Variants in MEIS1 observed in about 807,000 individuals in gnomAD.
The protein encoded by MEIS1 is Meis homeobox 1.
MEIS1 carries 5 observed loss-of-function variants against 50.8 expected under a neutral mutation model. That is an observed-to-expected ratio of 0.10 (90% CI 0.05 to 0.21). The LOEUF (loss-of-function observed/expected upper bound fraction) is 0.21, where lower values mean the gene tolerates loss of function less well. MEIS1 is among the 10% of genes least tolerant of loss of function. The pLI is 1.00. For missense variants in MEIS1, 318 were observed against 517.3 expected (o/e 0.61, Z 3.74); for synonymous variants, 176 against 179.3 (o/e 0.98, Z 0.15).
In MEIS1 at chr2:66,462,033, A is replaced by G. The variant is rs141501016; in HGVS notation, c.631-2076A>G. 4.8e-4 allele frequency: 164 copies of G among 344,440 alleles called. 2 individuals carry two copies. Among genetic ancestry groups the G allele is most frequent in the African/African-American group, 3.4e-3 (155 of 45,608 alleles). The allele number at this position is 344,440 out of a possible 1,614,324, so 21.3% of individuals were successfully genotyped here. On this transcript the variant is annotated intron_variant, in intron 6 of 12. Coordinates refer to ENST00000272369, the MANE Select transcript of MEIS1 (RefSeq NM_002398.3). ...TAATCTACATCCTGCACAGTAGAAA[A>G]GTGGGGGAGGGAGCAGAGCAGAGCT...
At chr2:66,517,910 T>A (rs992498064) in intron 8 of MEIS1, among the ~76,000 whole-genome samples, 6 of 152,194 alleles carry the variant, frequency 3.9e-5, no homozygotes, top group African/African-American at 1.4e-4. Context: ...CTGAAAAGGC[T>A]ACAGCTGGAA....
chr2:66,502,942 T>C (rs2103833732), intron 7 of MEIS1, among the ~76,000 whole-genome samples: 1 of 152,358 alleles, frequency 6.6e-6, no homozygotes, highest in South Asian at 2.1e-4. Flanking sequence ...CTTTGGGACC[T>C]GACAGCATCC....
At chr2:66,531,884 C>A (rs897179552) in intron 8 of MEIS1, among the ~76,000 whole-genome samples, 6 of 151,818 alleles carry the variant, frequency 4.0e-5, no homozygotes, top group African/African-American at 1.5e-4. Flanking sequence ...GTGTGGCTGG[C>A]AAGTTCCATC....
chr2:66,466,957 AAAAG>A (rs796855661), intron 7 of MEIS1, among the ~76,000 whole-genome samples: 21 of 151,052 alleles, frequency 1.4e-4, no homozygotes, highest in African/African-American at 3.7e-4. Context: ...AAAAAAAAAG[AAAAG>A]AAAGAAAGAA....
intron 2 of MEIS1, chr2:66,439,342 C>T: frequency 1.7e-6 from 2 of 1,205,630 alleles, no homozygotes; most frequent in Non-Finnish European, 2.1e-6. Flanking sequence ...GCCCCACGGC[C>T]ATGGACGTCC....
intron 9 of MEIS1, among the ~76,000 whole-genome samples, chr2:66,559,954 AC>A (rs1675170648): frequency 6.6e-6 from 1 of 152,018 alleles, no homozygotes; most frequent in African/African-American, 2.4e-5. Context: ...GCACAACCAG[AC>A]CCAGCTAATT....
At chr2:66,465,354 A>G (rs1050478498) in intron 7 of MEIS1, among the ~76,000 whole-genome samples, 1 of 152,236 alleles carries the variant, frequency 6.6e-6, no homozygotes, top group African/African-American at 2.4e-5. Flanking sequence ...AACGGAGCCC[A>G]GAATAGTAAA....
intron 1 of MEIS1, 34 bp from the exon 2 acceptor site, chr2:66,437,703 C>T (rs1163405256): frequency 6.2e-7 from 1 of 1,607,136 alleles, no homozygotes; most frequent in Non-Finnish European, 8.5e-7. Context: ...CGCCTGGCCT[C>T]CTGAACCTTC....
chr2:66,460,747 T>G (rs1672498704), intron 6 of MEIS1, among the ~76,000 whole-genome samples: 1 of 152,012 alleles, frequency 6.6e-6, no homozygotes, highest in Admixed American at 6.6e-5. Flanking sequence ...TCTTTGTTGT[T>G]GTTGTTGTTG....
chr2:66,566,430 T>C (rs1558566634), intron 9 of MEIS1, among the ~76,000 whole-genome samples: 1 of 152,146 alleles, frequency 6.6e-6, no homozygotes, highest in African/African-American at 2.4e-5. Flanking sequence ...TTTCATTGTA[T>C]TTTTTATGTC....
intron 7 of MEIS1, among the ~76,000 whole-genome samples, chr2:66,488,725 A>T (rs373388359): frequency 1.3e-5 from 2 of 152,182 alleles, no homozygotes; most frequent in African/African-American, 2.4e-5. Context: ...CAATATCAGC[A>T]TTTGTTTATT....
intron 6 of MEIS1, among the ~76,000 whole-genome samples, chr2:66,456,977 C>T (rs1348850031): frequency 2.6e-5 from 4 of 152,054 alleles, no homozygotes; most frequent in Admixed American, 1.3e-4. Context: ...TTAATGTGGC[C>T]CCTGAATCCA....
At chr2:66,454,969 A>G (rs940942669) in intron 6 of MEIS1, among the ~76,000 whole-genome samples, 1 of 152,182 alleles carries the variant, frequency 6.6e-6, no homozygotes, top group Non-Finnish European at 1.5e-5. Context: ...TTTTTCAGCC[A>G]AACATTTAAC....
intron 8 of MEIS1, among the ~76,000 whole-genome samples, chr2:66,526,074 G>A (rs1316434697): frequency 6.6e-6 from 1 of 152,150 alleles, no homozygotes; most frequent in Non-Finnish European, 1.5e-5. Flanking sequence ...ATCTGCCATG[G>A]GCACTGTCAC....
chr2:66,543,179 T>C (rs1454742510), intron 8 of MEIS1, among the ~76,000 whole-genome samples: 1 of 152,184 alleles, frequency 6.6e-6, no homozygotes, highest in African/African-American at 2.4e-5. Flanking sequence ...GCTTAACTTT[T>C]ACATAAGCTA....
At chr2:66,437,298 T>TA (rs1671820243) in intron 1 of MEIS1, 1 of 154,808 alleles carries the variant, frequency 6.5e-6, no homozygotes, top group African/African-American at 2.4e-5. Flanking sequence ...TTTTTTTTTT[T>TA]AATTCCCCCT....
At chr2:66,549,142 C>T (rs1005081842) in intron 9 of MEIS1, among the ~76,000 whole-genome samples, 1 of 152,064 alleles carries the variant, frequency 6.6e-6, no homozygotes, top group Non-Finnish European at 1.5e-5. Flanking sequence ...AATATAATCC[C>T]ATGTATTCTT....
At chr2:66,567,876 C>T (rs1675389104) in intron 10 of MEIS1, 1 of 485,134 alleles carries the variant, frequency 2.1e-6, no homozygotes, top group Non-Finnish European at 3.7e-6. Context: ...TTGCTGTAAA[C>T]TTTATTACCT....
At chr2:66,521,920 T>C (rs1297776883) in intron 8 of MEIS1, among the ~76,000 whole-genome samples, 3 of 152,186 alleles carry the variant, frequency 2.0e-5, no homozygotes, top group Non-Finnish European at 4.4e-5. Flanking sequence ...GATATAAAAA[T>C]GTCAGCTTCC....
Sources: gnomAD v4.1 joint callset for allele counts (sites outside exome capture counted in the v4.1 genomes callset) on GRCh38, gnomAD v4.1.1 for gene constraint, MANE v1.5 for transcripts, NCBI Gene and HGNC (gene_info 2026-07-23, HGNC 2026-07-21) for gene names.